SPPL3: variants seen among roughly 807,000 people sequenced by gnomAD.
SPPL3 encodes the protein signal peptide peptidase like 3.
SPPL3 carries 5 observed loss-of-function variants against 42.4 expected under a neutral mutation model. That is an observed-to-expected ratio of 0.12 (90% CI 0.06 to 0.25). SPPL3 has a LOEUF of 0.25. Among genes scored for constraint, SPPL3 ranks in the 10% least tolerant of loss-of-function variants. The pLI is 1.00. For synonymous variants in SPPL3, 195 were observed against 181.8 expected (o/e 1.07, Z -0.58); for missense variants, 235 against 489.0 (o/e 0.48, Z 4.90).
At chr12:120,859,289 G>A (rs1872556540) in intron 1 of SPPL3, among the ~76,000 whole-genome samples, 1 of 151,994 alleles carries the variant, frequency 6.6e-6, no homozygotes, top group Non-Finnish European at 1.5e-5. Context: ...GCATCATGTT[G>A]GAGCTCAAAA....
chr12:120,823,287 G>A (rs1436851195), intron 1 of SPPL3, among the ~76,000 whole-genome samples: 1 of 151,982 alleles, frequency 6.6e-6, no homozygotes, highest in Non-Finnish European at 1.5e-5. Context: ...TTCACATAGG[G>A]CTACCAAAGC....
At chr12:120,884,526 T>C (rs1170658312) in intron 1 of SPPL3, among the ~76,000 whole-genome samples, 1 of 144,626 alleles carries the variant, frequency 6.9e-6, no homozygotes, top group Non-Finnish European at 1.5e-5. Flanking sequence ...TTGGGATTTC[T>C]GGGTTTCAAC....
intron 1 of SPPL3, among the ~76,000 whole-genome samples, chr12:120,860,709 G>C (rs11065300): frequency 0.4 from 60,468 of 152,068 alleles, 14,085 homozygotes; most frequent in Middle Eastern, 0.56. Flanking sequence ...TGGAGGGAGA[G>C]AGGAAGGAGA....
chr12:120,789,083 G>A (rs149191705), intron 3 of SPPL3, among the ~76,000 whole-genome samples: 19 of 152,218 alleles, frequency 1.2e-4, no homozygotes, highest in African/African-American at 4.6e-4. Context: ...TTATCCTATT[G>A]GCATCCACTG....
chr12:120,821,195 C>T (rs1871055893), intron 1 of SPPL3, among the ~76,000 whole-genome samples: 1 of 152,054 alleles, frequency 6.6e-6, no homozygotes. Context: ...GGATTTATTG[C>T]CGGGGGCGGG....
intron 2 of SPPL3, among the ~76,000 whole-genome samples, chr12:120,809,124 T>C (rs1255917185): frequency 6.6e-6 from 1 of 152,128 alleles, no homozygotes; most frequent in Non-Finnish European, 1.5e-5. Context: ...GGCCGGTGGA[T>C]CACAAGGTCA....
At chr12:120,789,824 C>CAAAAAAAAAAAAAAAAAAA (rs3050392) in intron 3 of SPPL3, among the ~76,000 whole-genome samples, 5 of 30,464 alleles carry the variant, frequency 1.6e-4, no homozygotes, top group African/African-American at 3.3e-4. Context: ...GACTCCGTCT[C>CAAAAAAAAAAAAAAAAAAA]AAAAAAAAAA....
intron 1 of SPPL3, among the ~76,000 whole-genome samples, chr12:120,886,021 A>ATT (rs1384964289): frequency 4.0e-5 from 6 of 151,640 alleles, no homozygotes; most frequent in African/African-American, 1.5e-4. Context: ...TGCCCAGCTA[A>ATT]TTTTGTATTT....
At chr12:120,779,249 T>C (rs1245887193) in intron 6 of SPPL3, among the ~76,000 whole-genome samples, 2 of 152,228 alleles carry the variant, frequency 1.3e-5, no homozygotes, top group Non-Finnish European at 2.9e-5. Flanking sequence ...AGCATCACTC[T>C]GGGTGGCTCT....
chr12:120,900,106 C>T (rs915937187), intron 1 of SPPL3, among the ~76,000 whole-genome samples: 2 of 151,894 alleles, frequency 1.3e-5, no homozygotes, highest in South Asian at 2.1e-4. Context: ...AATAATAAAC[C>T]TCCATGTACT....
rs548831115 is a variant in SPPL3 at position 120,793,608 on chromosome 12, T to C, written c.102-2051A>G. On this transcript the variant is annotated intron_variant, in intron 2 of 10. Transcript: ENST00000353487. ...TAAAACTGGAACCTTCATACACTAC[T>C]AGTGGGAATGTGAACTGGTGCAGAC... 2.6e-5 allele frequency among the ~76,000 whole-genome samples: 4 copies of C among 152,358 alleles called. No individual in the cohort carries two copies. The East Asian group carries it at 7.7e-4, about 29-fold the overall frequency.
chr12:120,901,534 T>C (rs1252432823), intron 1 of SPPL3, among the ~76,000 whole-genome samples: 2 of 137,664 alleles, frequency 1.5e-5, no homozygotes, highest in Non-Finnish European at 3.0e-5. Context: ...GAGGCTGCAG[T>C]GAGCCGAGAT....
intron 1 of SPPL3, among the ~76,000 whole-genome samples, chr12:120,838,507 T>C (rs1194985143): frequency 5.9e-5 from 9 of 152,208 alleles, no homozygotes; most frequent in African/African-American, 9.6e-5. Context: ...GCTGTCCTAG[T>C]CAGTGTGGAG....
chr12:120,775,041 A>G (rs1869261528), intron 6 of SPPL3, among the ~76,000 whole-genome samples: 1 of 152,214 alleles, frequency 6.6e-6, no homozygotes, highest in African/African-American at 2.4e-5. Flanking sequence ...AATGTTCTCT[A>G]CGAGGATGAC....
intron 1 of SPPL3, among the ~76,000 whole-genome samples, chr12:120,890,108 C>T (rs148134750): frequency 0.02 from 3,048 of 151,950 alleles, 57 homozygotes; most frequent in South Asian, 0.051. Context: ...ATTAGCTGGA[C>T]GTGGTGGTGC....
At chr12:120,770,746 C>G (rs537325507) in intron 6 of SPPL3, among the ~76,000 whole-genome samples, 1 of 152,324 alleles carries the variant, frequency 6.6e-6, no homozygotes, top group East Asian at 1.9e-4. Context: ...TCTCAGTGAT[C>G]TCGTCCAATC....
intron 1 of SPPL3, among the ~76,000 whole-genome samples, chr12:120,902,824 T>C (rs1736339701): frequency 6.6e-6 from 1 of 152,148 alleles, no homozygotes; most frequent in Admixed American, 6.6e-5. Flanking sequence ...TTCCTCACTC[T>C]CCAGCTATGA....
At chr12:120,888,972 C>T (rs1873549412) in intron 1 of SPPL3, among the ~76,000 whole-genome samples, 1 of 151,952 alleles carries the variant, frequency 6.6e-6, no homozygotes, top group Non-Finnish European at 1.5e-5. Context: ...TGCCACCTCA[C>T]CTGGCTAATT....
intron 2 of SPPL3, among the ~76,000 whole-genome samples, chr12:120,793,621 A>T (rs574774235): frequency 1.3e-5 from 2 of 152,254 alleles, no homozygotes; most frequent in Non-Finnish European, 2.9e-5. Context: ...TGGGAATGTG[A>T]ACTGGTGCAG....
Sources: allele counts gnomAD v4.1 joint callset (sites outside exome capture counted in the v4.1 genomes callset), GRCh38; gene constraint gnomAD v4.1.1; transcripts MANE v1.5; gene names NCBI Gene and HGNC (gene_info 2026-07-23, HGNC 2026-07-21).